RALGAPA1: variants seen among roughly 807,000 people sequenced by gnomAD.
RALGAPA1 encodes the protein ral GTPase-activating protein subunit alpha-1.
RALGAPA1 carries 52 observed loss-of-function variants against 269.6 expected under a neutral mutation model. The observed-to-expected ratio is 0.19, with a 90% CI of 0.15 to 0.24. RALGAPA1 has a LOEUF of 0.24. RALGAPA1 is among the 10% of genes least tolerant of loss of function. The probability of loss-of-function intolerance (pLI) is 1.00; values close to 1 mark genes in which losing one functional copy is unlikely to be tolerated. For missense variants in RALGAPA1, 1,917 were observed against 3,013.9 expected, an observed-to-expected ratio of 0.64 and a Z score of 8.52; for synonymous variants, 817 against 1,008.3, an observed-to-expected ratio of 0.81 and a Z score of 3.60.
intron 41 of RALGAPA1, chr14:35,541,911 T>C: frequency 8.1e-6 from 5 of 618,986 alleles, no homozygotes; most frequent in South Asian, 7.5e-5. Context: ...AGGTGTTAAC[T>C]GAGGAGCAGA....
At chr14:35,678,649 C>A (rs1323047154) in intron 21 of RALGAPA1, among the ~76,000 whole-genome samples, 2 of 152,146 alleles carry the variant, frequency 1.3e-5, no homozygotes, top group Admixed American at 6.6e-5. Context: ...CCCTCACTGG[C>A]CTCAGCATAA....
intron 7 of RALGAPA1, among the ~76,000 whole-genome samples, 178 bp from the exon 8 acceptor site, chr14:35,752,340 A>T (rs141928042): frequency 5.9e-5 from 9 of 152,210 alleles, no homozygotes; most frequent in Admixed American, 5.9e-4. Context: ...AAACAAGTAC[A>T]TTATGTATAT....
chr14:35,739,455 A>T (rs1287295302), intron 11 of RALGAPA1, among the ~76,000 whole-genome samples: 1 of 152,160 alleles, frequency 6.6e-6, no homozygotes, highest in Non-Finnish European at 1.5e-5. Flanking sequence ...CCCTGTAATC[A>T]AGTGTCTTCT....
chr14:35,578,914 G>C (rs988443049), intron 37 of RALGAPA1, among the ~76,000 whole-genome samples: 1 of 152,166 alleles, frequency 6.6e-6, no homozygotes, highest in Admixed American at 6.5e-5. Context: ...TTGTTCTCAT[G>C]ACCTTGATAT....
At chr14:35,655,536 G>T (rs1428607229) in intron 29 of RALGAPA1, among the ~76,000 whole-genome samples, 1 of 151,962 alleles carries the variant, frequency 6.6e-6, no homozygotes, top group Non-Finnish European at 1.5e-5. Flanking sequence ...GTTTTAAATG[G>T]TGGGTTTCCT....
intron 30 of RALGAPA1, among the ~76,000 whole-genome samples, chr14:35,653,002 A>G (rs2062945131): frequency 6.6e-6 from 1 of 152,206 alleles, no homozygotes; most frequent in Non-Finnish European, 1.5e-5. Context: ...AATATACTTT[A>G]TACAGAAAAA....
chr14:35,577,821 A>C (rs899830358), intron 37 of RALGAPA1, among the ~76,000 whole-genome samples: 1 of 152,210 alleles, frequency 6.6e-6, no homozygotes, highest in African/African-American at 2.4e-5. Context: ...CTAACAACTA[A>C]TTATAATCAC....
At chr14:35,718,827 T>C (rs2069096491) in intron 16 of RALGAPA1, among the ~76,000 whole-genome samples, 1 of 148,584 alleles carries the variant, frequency 6.7e-6, no homozygotes, top group Non-Finnish European at 1.5e-5. Flanking sequence ...AATAAATAAC[T>C]ATAAAAAAAT....
chr14:35,720,938 T>C (rs931922269), intron 16 of RALGAPA1, among the ~76,000 whole-genome samples: 7 of 152,126 alleles, frequency 4.6e-5, no homozygotes, highest in Admixed American at 6.6e-5. Context: ...CCTAGAAACG[T>C]TTGGTAGACT....
At chr14:35,611,549 C>T (rs529136621) in intron 35 of RALGAPA1, among the ~76,000 whole-genome samples, 3 of 149,290 alleles carry the variant, frequency 2.0e-5, no homozygotes, top group South Asian at 2.2e-4. Flanking sequence ...CTGGGCAACA[C>T]AGTGAGACCC....
chr14:35,805,581 AAGGTGGGAGGGTACAACTG>A (rs1274458028), intron 1 of RALGAPA1, among the ~76,000 whole-genome samples: 3 of 152,018 alleles, frequency 2.0e-5, no homozygotes, highest in Non-Finnish European at 4.4e-5. Context: ...TTGCTCAGGA[AAGGTGGGAGGGTACAACTG>A]AGGTGGGAGA....
chr14:35,697,330 GT>G (rs530092895), intron 17 of RALGAPA1, among the ~76,000 whole-genome samples: 2 of 148,836 alleles, frequency 1.3e-5, no homozygotes, highest in East Asian at 2.0e-4. Flanking sequence ...TATAAACAGT[GT>G]TTTTTTTTGT....
In RALGAPA1 at chr14:35,721,738, C is replaced by G. The variant is rs764923703; in HGVS notation, c.2216G>C (p.Gly739Ala). Residue 739 changes from glycine (G) to alanine (A), a missense_variant, in exon 16 of 42, where the codon GGT becomes GCT. Gly to Ala is a moderately conservative substitution (Grantham distance 60). Around this residue, in one of 11 missense-constraint regions of RALGAPA1, gnomAD observed 125 missense variants for 155.7 expected, o/e 0.80. Transcript: ENST00000680220. ...CCTCGCCTTTTCGGTTCCTGGAGAA[C>G]CAGTGGTTGTTGCACTCCTCTGTCT... is the stretch of plus-strand genomic sequence containing the variant. ...PMRQRSATTT[G>A]SPGTEKARSI... 1.9e-6 allele frequency: 3 copies of G among 1,613,764 alleles called. No homozygotes were observed. The highest frequency in any genetic ancestry group is 1.7e-6 in the Non-Finnish European group (2 of 1,179,792).
At chr14:35,584,272 A>AT (rs111573457) in intron 37 of RALGAPA1, among the ~76,000 whole-genome samples, 16 of 150,084 alleles carry the variant, frequency 1.1e-4, no homozygotes, top group South Asian at 6.4e-4. Flanking sequence ...GTATAGAATA[A>AT]TTTTTTTTTT....
At chr14:35,637,927 C>T (rs905781301) in intron 31 of RALGAPA1, among the ~76,000 whole-genome samples, 2 of 151,956 alleles carry the variant, frequency 1.3e-5, no homozygotes, top group Non-Finnish European at 2.9e-5. Flanking sequence ...ATTTAAAGTG[C>T]TAAAGGAAAA....
chr14:35,691,058 A>G (rs2066436251), intron 17 of RALGAPA1, among the ~76,000 whole-genome samples: 1 of 151,310 alleles, frequency 6.6e-6, no homozygotes, highest in Non-Finnish European at 1.5e-5. Context: ...AACAAGAGCA[A>G]AACTCCGTCT....
At chr14:35,691,354 G>T (rs1369567165) in intron 17 of RALGAPA1, among the ~76,000 whole-genome samples, 2 of 151,934 alleles carry the variant, frequency 1.3e-5, no homozygotes, top group Admixed American at 1.3e-4. Context: ...ATCCATCATG[G>T]TCTGTAAGTT....
intron 1 of RALGAPA1, chr14:35,807,717 G>A (rs2077474405): frequency 1.3e-5 from 2 of 152,134 alleles, no homozygotes; most frequent in South Asian, 4.1e-4. Context: ...GTATCCTGGT[G>A]GTATGAGTAA....
intron 13 of RALGAPA1, among the ~76,000 whole-genome samples, chr14:35,725,701 C>CAA (rs766400524): frequency 7.5e-6 from 1 of 133,616 alleles, no homozygotes. Flanking sequence ...CCTTGTCTCT[C>CAA]AAAAAAAAAA....
Sources: gnomAD v4.1 joint callset for allele counts (sites outside exome capture counted in the v4.1 genomes callset) on GRCh38, gnomAD v4.1.1 for gene constraint, gnomAD v4.1.1 regional missense constraint, MANE v1.5 for transcripts, NCBI Gene and HGNC (gene_info 2026-07-23, HGNC 2026-07-21) for gene names.